KBTBD12: variants seen among roughly 807,000 people sequenced by gnomAD.
KBTBD12 encodes the protein kelch repeat and BTB domain-containing protein 12.
In KBTBD12, 53 loss-of-function variants were observed where a neutral mutation model predicts 58.7. The ratio of observed to expected loss-of-function variants is 0.90; its 90% CI spans 0.72 to 1.14. KBTBD12 has a LOEUF of 1.14. KBTBD12 is among the 50% of genes most tolerant of loss of function. KBTBD12 has a pLI of 0.00. For synonymous variants in KBTBD12, 236 were observed against 259.8 expected (o/e 0.91, Z 0.88); for missense variants, 704 against 751.3 (o/e 0.94, Z 0.74).
intron 1 of KBTBD12, among the ~76,000 whole-genome samples, chr3:127,915,866 T>C (rs1939222369): frequency 6.6e-6 from 1 of 152,220 alleles, no homozygotes; most frequent in Non-Finnish European, 1.5e-5. Context: ...ACCTGACCAA[T>C]GTATTATTGT....
chr3:127,948,793 A>G (rs1226440548), intron 4 of KBTBD12, among the ~76,000 whole-genome samples: 1 of 152,178 alleles, frequency 6.6e-6, no homozygotes, highest in Non-Finnish European at 1.5e-5. Context: ...ACCTAAGATT[A>G]TCTTATGAAA....
chr3:127,928,126 G>A (rs1939620698), intron 3 of KBTBD12, 92 bp downstream of exon 3: 9 of 1,118,808 alleles, frequency 8.0e-6, no homozygotes, highest in South Asian at 1.4e-5. Flanking sequence ...TGCTAAAAGA[G>A]TGTGACTTAC....
intron 5 of KBTBD12, among the ~76,000 whole-genome samples, chr3:127,978,009 C>T (rs1267273918): frequency 6.6e-6 from 1 of 152,068 alleles, no homozygotes; most frequent in Non-Finnish European, 1.5e-5. Flanking sequence ...TTGTATATGG[C>T]GTAAGGAAGG....
intron 3 of KBTBD12, among the ~76,000 whole-genome samples, chr3:127,928,365 A>C (rs1480105246): frequency 6.6e-6 from 1 of 152,194 alleles, no homozygotes; most frequent in Non-Finnish European, 1.5e-5. Flanking sequence ...CTGGATCCTC[A>C]TCCAGTTCTG....
At chr3:127,925,108 A>G (rs1408086627) in intron 2 of KBTBD12, among the ~76,000 whole-genome samples, 1 of 152,188 alleles carries the variant, frequency 6.6e-6, no homozygotes, top group African/African-American at 2.4e-5. Flanking sequence ...CTAGCATTAC[A>G]TTATCTGTCT....
chr3:127,919,167 A>G (rs1939335786), intron 1 of KBTBD12, among the ~76,000 whole-genome samples: 1 of 151,684 alleles, frequency 6.6e-6, no homozygotes, highest in African/African-American at 2.4e-5. Flanking sequence ...ATGTTGATCA[A>G]CTCTATCATG....
At chr3:127,965,651 G>A (rs899932758) in intron 5 of KBTBD12, among the ~76,000 whole-genome samples, 10 of 152,128 alleles carry the variant, frequency 6.6e-5, no homozygotes, top group Admixed American at 3.9e-4. Flanking sequence ...GGATACAATC[G>A]AGATTTTCAA....
At chr3:127,965,620 T>C (rs1389448535) in intron 5 of KBTBD12, among the ~76,000 whole-genome samples, 1 of 152,208 alleles carries the variant, frequency 6.6e-6, no homozygotes, top group Non-Finnish European at 1.5e-5. Flanking sequence ...TACATTGAAA[T>C]ATATTGTGAA....
chr3:127,918,895 C>A (rs975457485), intron 1 of KBTBD12, among the ~76,000 whole-genome samples: 1 of 151,986 alleles, frequency 6.6e-6, no homozygotes, highest in African/African-American at 2.4e-5. Flanking sequence ...GAAAACAGGC[C>A]CGGGATATTT....
chr3:127,963,780 A>C, intron 5 of KBTBD12: 1 of 157,762 alleles, frequency 6.3e-6, no homozygotes, highest in East Asian at 1.9e-4. Flanking sequence ...GAGAAGAGAA[A>C]TGGGAGAGGT....
intron 5 of KBTBD12, among the ~76,000 whole-genome samples, chr3:127,978,188 G>A (rs1940817718): frequency 6.6e-6 from 1 of 152,112 alleles, no homozygotes. Context: ...TACGACCTCT[G>A]TTCTTTACCT....
intron 4 of KBTBD12, among the ~76,000 whole-genome samples, chr3:127,948,029 A>G (rs1940122118): frequency 6.6e-6 from 1 of 152,204 alleles, no homozygotes; most frequent in South Asian, 2.1e-4. Context: ...AAGTGGAAGA[A>G]TGGTTATCAT....
intron 5 of KBTBD12, among the ~76,000 whole-genome samples, chr3:127,980,824 C>T (rs1199253758): frequency 6.6e-6 from 1 of 152,152 alleles, no homozygotes; most frequent in Non-Finnish European, 1.5e-5. Context: ...AAGATGTTAC[C>T]TTTCCCAATC....
intron 4 of KBTBD12, among the ~76,000 whole-genome samples, chr3:127,949,677 T>A (rs1245744114): frequency 6.6e-6 from 1 of 152,252 alleles, no homozygotes; most frequent in Non-Finnish European, 1.5e-5. Flanking sequence ...TAACTGGCTC[T>A]GTAAGACCCT....
intron 5 of KBTBD12, chr3:127,963,632 A>ACTT (rs367780164): frequency 0.15 from 63,860 of 430,884 alleles, 5,602 homozygotes; most frequent in South Asian, 0.28. Flanking sequence ...CACCCTGAAC[A>ACTT]CACCTGGTCT....
intron 4 of KBTBD12, among the ~76,000 whole-genome samples, chr3:127,951,152 A>G (rs1163893289): frequency 2.0e-5 from 3 of 152,234 alleles, no homozygotes; most frequent in Non-Finnish European, 4.4e-5. Flanking sequence ...TCTAGTATTC[A>G]TGAATGAATC....
At chr3:127,942,670 ATATATACAAC>A (rs1337810527) in intron 4 of KBTBD12, among the ~76,000 whole-genome samples, 2 of 147,882 alleles carry the variant, frequency 1.4e-5, no homozygotes, top group East Asian at 1.9e-4. Context: ...ACATATAACT[ATATATACAAC>A]TATATATAAC....
chr3:127,976,512 T>C (rs1033756191), intron 5 of KBTBD12, among the ~76,000 whole-genome samples: 1 of 152,266 alleles, frequency 6.6e-6, no homozygotes, highest in Non-Finnish European at 1.5e-5. Flanking sequence ...GCTGGAATAT[T>C]ACATAACTGA....
At chr3:127,958,123 G>A (rs1940356533) in intron 4 of KBTBD12, among the ~76,000 whole-genome samples, 1 of 152,152 alleles carries the variant, frequency 6.6e-6, no homozygotes, top group Non-Finnish European at 1.5e-5. Flanking sequence ...CAGGGGCGGT[G>A]CAGGAGGGAG....
Sources: gnomAD v4.1 joint callset for allele counts (sites outside exome capture counted in the v4.1 genomes callset) on GRCh38, gnomAD v4.1.1 for gene constraint, MANE v1.5 for transcripts, NCBI Gene and HGNC (gene_info 2026-07-23, HGNC 2026-07-21) for gene names.